Variants in ACOT11 observed in about 807,000 individuals in gnomAD.
The protein encoded by ACOT11 is acyl-coenzyme A thioesterase 11.
Under a neutral mutation model 77.5 loss-of-function variants are expected in ACOT11, and 69 were observed. The ratio of observed to expected loss-of-function variants is 0.89; its 90% confidence interval spans 0.73 to 1.09. The LOEUF is 1.09. Ranked by LOEUF, ACOT11 falls within the 50% of genes least tolerant of loss-of-function variation. The pLI is 0.00. For missense variants in ACOT11, 766 were observed against 813.7 expected, an observed-to-expected ratio of 0.94 and a Z score of 0.71; for synonymous variants, 279 against 313.0, an observed-to-expected ratio of 0.89 and a Z score of 1.15.
At chr1:54,632,379 C>G (rs1323306321) in intron 16 of ACOT11, among the ~76,000 whole-genome samples, 1 of 152,136 alleles carries the variant, frequency 6.6e-6, no homozygotes, top group Non-Finnish European at 1.5e-5. Context: ...GCAAAGGGTC[C>G]CAACAGGAGT....
chr1:54,566,980 C>T (rs748126968), intron 1 of ACOT11, among the ~76,000 whole-genome samples: 16 of 152,138 alleles, frequency 1.1e-4, no homozygotes, highest in Non-Finnish European at 2.2e-4. Context: ...TAGACTCTAC[C>T]TTTGAATGGG....
At chr1:54,576,503 A>T (rs1654120094) in intron 1 of ACOT11, among the ~76,000 whole-genome samples, 1 of 151,572 alleles carries the variant, frequency 6.6e-6, no homozygotes, top group African/African-American at 2.4e-5. Flanking sequence ...AAAAAAAAAA[A>T]AAAAAAAAAA....
At chr1:54,573,164 G>C (rs1653982855) in intron 1 of ACOT11, 1 of 985,334 alleles carries the variant, frequency 1.0e-6, no homozygotes, top group Non-Finnish European at 1.2e-6. Flanking sequence ...GGAAGAGCCG[G>C]TGGATGTCAC....
intron 16 of ACOT11, among the ~76,000 whole-genome samples, chr1:54,633,029 T>C (rs573942447): frequency 3.3e-5 from 5 of 152,320 alleles, no homozygotes; most frequent in Non-Finnish European, 7.4e-5. Flanking sequence ...AAATGGGGTA[T>C]GTCCCTGGTA....
chr1:54,621,108 C>T (rs1033494177), intron 15 of ACOT11, among the ~76,000 whole-genome samples: 2 of 150,532 alleles, frequency 1.3e-5, no homozygotes, highest in African/African-American at 4.9e-5. Context: ...TGCAGTGAGC[C>T]GGAGATCATG....
At chr1:54,594,527 T>C in intron 5 of ACOT11, 29 bp from the exon 6 acceptor site, 1 of 1,597,482 alleles carries the variant, frequency 6.3e-7, no homozygotes, top group Middle Eastern at 1.7e-4. Flanking sequence ...TTGCCCTGAG[T>C]GTCCCCCACC....
rs758644108 is a variant in ACOT11, at chr1:54,608,079, TC to T, written c.1629+17del. The T allele has an allele frequency of 7.3e-4, 1,174 of 1,603,300 alleles. No individual in the cohort carries two copies. Among genetic ancestry groups the T allele is most frequent in the Non-Finnish European group, 9.4e-4 (1,103 of 1,176,072 alleles). ...GACCAGCTGACCAAGGTGAGGCCGG[TC>T]CCCCCAACCACGCCCCCAGCCTGGC... On this transcript the variant is annotated intron_variant, in intron 15 of 15. Coordinates refer to ENST00000343744, the MANE Select transcript of ACOT11 (RefSeq NM_147161.4).
intron 1 of ACOT11, chr1:54,573,176 G>T: frequency 1.0e-6 from 1 of 985,482 alleles, no homozygotes; most frequent in South Asian, 4.7e-5. Context: ...GGATGTCACA[G>T]ATGCCTGGGA....
intron 1 of ACOT11, among the ~76,000 whole-genome samples, chr1:54,560,878 T>G (rs1369436895): frequency 6.6e-6 from 1 of 152,094 alleles, no homozygotes; most frequent in Non-Finnish European, 1.5e-5. Flanking sequence ...CCTGCCACCA[T>G]GCCCGGCTAA....
intron 1 of ACOT11, among the ~76,000 whole-genome samples, chr1:54,567,506 G>A (rs566311212): frequency 6.6e-6 from 1 of 151,820 alleles, no homozygotes; most frequent in Admixed American, 6.6e-5. Context: ...CTTGGACTCC[G>A]GACCTCAGGT....
chr1:54,552,711 T>C (rs1653112267), intron 1 of ACOT11, among the ~76,000 whole-genome samples: 1 of 152,184 alleles, frequency 6.6e-6, no homozygotes, highest in African/African-American at 2.4e-5. Context: ...GGTCTTGAAC[T>C]CCTGACCTCA....
At chr1:54,608,690 C>G (rs1000731408) in intron 15 of ACOT11, among the ~76,000 whole-genome samples, 2 of 152,114 alleles carry the variant, frequency 1.3e-5, no homozygotes, top group Non-Finnish European at 2.9e-5. Flanking sequence ...CTCTGGCTGG[C>G]GGGGAAGATG....
intron 15 of ACOT11, among the ~76,000 whole-genome samples, chr1:54,618,750 C>A (rs997980810): frequency 6.6e-6 from 1 of 152,106 alleles, no homozygotes; most frequent in African/African-American, 2.4e-5. Flanking sequence ...CAGGAGCTCG[C>A]GGTGGCTGTG....
At chr1:54,605,830 T>TA (rs1235402416) in intron 13 of ACOT11, among the ~76,000 whole-genome samples, 1 of 152,210 alleles carries the variant, frequency 6.6e-6, no homozygotes, top group East Asian at 1.9e-4. Flanking sequence ...GGAAGATAAA[T>TA]ATGTTCTTAG....
At position 54,601,295 on chromosome 1, in the gene ACOT11, C is replaced by G; in HGVS notation, c.911C>G (p.Ala304Gly). ...ATGGAGGTGGGCGTGTGCGTGGAGG[C>G]CTATCGCCAGGAGGCTGAGACCCAC... ...HSMEVGVCVE[A>G]YRQEAETHRR... The change falls in exon 9 of 16, where the codon GCC becomes GGC. Residue 304 changes from alanine (A) to glycine (G), a missense_variant. Physicochemically the swap from Ala to Gly is moderately conservative, Grantham distance 60 (BLOSUM62 0). Coordinates refer to ENST00000343744, the MANE Select transcript of ACOT11 (RefSeq NM_147161.4). 4.3e-6 allele frequency: 7 copies of G among 1,612,640 alleles called. No individual in the cohort carries two copies. Among genetic ancestry groups the G allele is most frequent in the Non-Finnish European group, 5.9e-6 (7 of 1,179,992 alleles).
chr1:54,574,549 A>C (rs1654036247), intron 1 of ACOT11, among the ~76,000 whole-genome samples: 1 of 152,220 alleles, frequency 6.6e-6, no homozygotes, highest in African/African-American at 2.4e-5. Flanking sequence ...TGCACCTCAC[A>C]ACAATCTACA....
intron 1 of ACOT11, among the ~76,000 whole-genome samples, chr1:54,571,135 T>C (rs1653918542): frequency 6.6e-6 from 1 of 151,870 alleles, no homozygotes; most frequent in Admixed American, 6.6e-5. Context: ...AACTATGATA[T>C]TCTTATTCCC....
chr1:54,566,087 T>A (rs1267944359), intron 1 of ACOT11, among the ~76,000 whole-genome samples: 1 of 152,182 alleles, frequency 6.6e-6, no homozygotes. Context: ...CAGACTCTCC[T>A]GGGGTCCTCC....
chr1:54,612,540 G>A, downstream of ACOT11: 1 of 1,614,078 alleles, frequency 6.2e-7, no homozygotes. Flanking sequence ...CCGCACCATG[G>A]AAGACCGTAC....
Sources: allele counts gnomAD v4.1 joint callset (sites outside exome capture counted in the v4.1 genomes callset), GRCh38; gene constraint gnomAD v4.1.1; transcripts MANE v1.5; gene names NCBI Gene and HGNC (gene_info 2026-07-23, HGNC 2026-07-21).